RORA: variants seen among roughly 807,000 people sequenced by gnomAD.
The protein encoded by RORA is RAR related orphan receptor A, also known as nuclear receptor ROR-alpha.
RORA carries 7 observed loss-of-function variants against 69.5 expected under a neutral mutation model. The ratio of observed to expected loss-of-function variants is 0.10; its 90% CI spans 0.06 to 0.19. The LOEUF is 0.19. RORA is among the 10% of genes least tolerant of loss of function. RORA has a pLI of 1.00. For missense variants in RORA, 457 were observed against 663.0 expected (o/e 0.69, Z 3.41); for synonymous variants, 261 against 240.8 (o/e 1.08, Z -0.78).
intron 1 of RORA, among the ~76,000 whole-genome samples, chr15:60,904,870 C>A (rs967863889): frequency 8.5e-5 from 13 of 152,136 alleles, no homozygotes; most frequent in Admixed American, 7.2e-4. Context: ...TTGGGGTGGT[C>A]AAGGCCAATG....
At chr15:61,003,251 G>T (rs1408931324) in intron 1 of RORA, among the ~76,000 whole-genome samples, 1 of 152,076 alleles carries the variant, frequency 6.6e-6, no homozygotes, top group Non-Finnish European at 1.5e-5. Flanking sequence ...ACGAAAAGTA[G>T]TTCCTAACAA....
chr15:60,878,951 T>C (rs187544970), intron 1 of RORA, among the ~76,000 whole-genome samples: 2,893 of 152,238 alleles, frequency 0.019, 85 homozygotes, highest in African/African-American at 0.066. Flanking sequence ...GCTCATCAAG[T>C]CCCAACTCAG....
At chr15:60,777,296 G>A (rs565737646) in intron 1 of RORA, among the ~76,000 whole-genome samples, 50 of 152,268 alleles carry the variant, frequency 3.3e-4, no homozygotes, top group African/African-American at 1.1e-3. Flanking sequence ...ACACGGATAC[G>A]GAGAAATCAC....
chr15:60,546,912 T>G (rs1315821840), intron 2 of RORA, among the ~76,000 whole-genome samples: 2 of 152,200 alleles, frequency 1.3e-5, no homozygotes, highest in Non-Finnish European at 2.9e-5. Flanking sequence ...GGATTTTCCC[T>G]CGTGTTGTCC....
In RORA at chr15:60,703,126, AACACACAC is replaced by A. The variant is rs33962963; in HGVS notation, c.167-24448_167-24441del. 3.5e-3 allele frequency among the ~76,000 whole-genome samples: 516 copies of A among 145,572 alleles called. 4 individuals are homozygous for A. Among genetic ancestry groups the A allele is most frequent in the African/African-American group, 0.012 (476 of 39,502 alleles). On this transcript the variant is annotated intron_variant, in intron 1 of 10. Coordinates refer to ENST00000335670, the MANE Select transcript of RORA (RefSeq NM_134261.3). ...GAGCAAGGAGACGATGCTTCAGATTAACACACACACACACACACACACACACACACACA... is the reference window on the plus strand; with the variant it reads ...GAGCAAGGAGACGATGCTTCAGATTAACACACACACACACACACACACACA...
chr15:60,711,748 T>G (rs1262438593), intron 1 of RORA, among the ~76,000 whole-genome samples: 1 of 152,226 alleles, frequency 6.6e-6, no homozygotes, highest in Non-Finnish European at 1.5e-5. Flanking sequence ...ATATTTCTTT[T>G]GGGGAAGATG....
intron 2 of RORA, chr15:60,558,151 C>T (rs1280981216): frequency 2.7e-6 from 3 of 1,092,920 alleles, no homozygotes; most frequent in Non-Finnish European, 4.1e-6. Context: ...GAAAGGGAGG[C>T]AAACACAAGA....
chr15:60,716,716 A>C (rs934069433), intron 1 of RORA, among the ~76,000 whole-genome samples: 17 of 151,924 alleles, frequency 1.1e-4, no homozygotes, highest in African/African-American at 4.1e-4. Flanking sequence ...GACCCTCCTC[A>C]GAGAGAGTCC....
chr15:61,208,386 G>A (rs116475618), intron 1 of RORA, among the ~76,000 whole-genome samples: 2 of 152,172 alleles, frequency 1.3e-5, no homozygotes, highest in East Asian at 1.9e-4. Context: ...ATTAATGGCT[G>A]TCTTAGACTA....
rs191499619 is a variant in RORA, at chr15:60,664,468, G to C, written c.196+14189C>G. On this transcript the variant is annotated intron_variant, in intron 2 of 10. Coordinates refer to ENST00000335670, the MANE Select transcript of RORA (RefSeq NM_134261.3). ...AGAAAATGGGTGAAGGAGGCTATAA[G>C]AGATGGCCTTTCTATCAAAAAATCA... 1.9e-4 allele frequency among the ~76,000 whole-genome samples: 29 copies of C among 152,320 alleles called. No individual in the cohort carries two copies. In the East Asian group the frequency reaches 3.7e-3, roughly 19 times the overall value.
At chr15:60,554,324 G>A (rs983304519) in intron 2 of RORA, among the ~76,000 whole-genome samples, 5 of 152,082 alleles carry the variant, frequency 3.3e-5, no homozygotes, top group African/African-American at 4.8e-5. Context: ...AATATTTTCT[G>A]TCCTCATTCA....
chr15:61,153,789 C>T (rs571358781), intron 1 of RORA, among the ~76,000 whole-genome samples: 40 of 110,194 alleles, frequency 3.6e-4, no homozygotes, highest in African/African-American at 1.3e-3. Context: ...AAGAACCCTT[C>T]AATTGCTAAG....
intron 1 of RORA, among the ~76,000 whole-genome samples, chr15:61,086,944 G>A (rs990555704): frequency 1.3e-5 from 2 of 152,140 alleles, no homozygotes; most frequent in Admixed American, 6.5e-5. Flanking sequence ...AGGCCAAGGC[G>A]GAAGGATGGC....
chr15:60,947,416 A>T (rs1892926849), intron 1 of RORA, among the ~76,000 whole-genome samples: 1 of 152,076 alleles, frequency 6.6e-6, no homozygotes, highest in Non-Finnish European at 1.5e-5. Flanking sequence ...TCTCTGAAAC[A>T]TGTGCTGTGT....
intron 1 of RORA, among the ~76,000 whole-genome samples, chr15:61,165,900 A>T (rs1567019258): frequency 6.6e-6 from 1 of 152,194 alleles, no homozygotes; most frequent in Non-Finnish European, 1.5e-5. Context: ...TGGTTTATAG[A>T]TTTTCAGCTT....
At chr15:60,916,924 T>G (rs1416565762) in intron 1 of RORA, among the ~76,000 whole-genome samples, 1 of 152,208 alleles carries the variant, frequency 6.6e-6, no homozygotes, top group Non-Finnish European at 1.5e-5. Flanking sequence ...CCAACATCCT[T>G]CTTAATAAAG....
intron 1 of RORA, among the ~76,000 whole-genome samples, chr15:61,048,107 G>C (rs546621516): frequency 1.1e-4 from 17 of 152,304 alleles, no homozygotes; most frequent in Non-Finnish European, 2.4e-4. Flanking sequence ...CTGTACAACA[G>C]TTTCTGTGTA....
chr15:60,603,226 C>G (rs1231234832), intron 2 of RORA, among the ~76,000 whole-genome samples: 1 of 152,138 alleles, frequency 6.6e-6, no homozygotes, highest in East Asian at 1.9e-4. Flanking sequence ...TATAAATATT[C>G]ATGGTACAGG....
At chr15:60,707,217 G>C (rs541553421) in intron 1 of RORA, among the ~76,000 whole-genome samples, 2 of 152,180 alleles carry the variant, frequency 1.3e-5, no homozygotes, top group East Asian at 3.9e-4. Context: ...CTGTTGCGAA[G>C]AGAAGAAATC....
Sources: gnomAD v4.1 joint callset for allele counts (sites outside exome capture counted in the v4.1 genomes callset) on GRCh38, gnomAD v4.1.1 for gene constraint, MANE v1.5 for transcripts, NCBI Gene and HGNC (gene_info 2026-07-23, HGNC 2026-07-21) for gene names.